GALNT5: variants seen among roughly 807,000 people sequenced by gnomAD.
GALNT5 encodes polypeptide N-acetylgalactosaminyltransferase 5.
Under a neutral mutation model 85.4 loss-of-function variants are expected in GALNT5, and 72 were observed. The observed-to-expected ratio is 0.84, with a 90% confidence interval of 0.70 to 1.03. The LOEUF is 1.03. Ranked by LOEUF, GALNT5 falls within the 50% of genes least tolerant of loss-of-function variation. GALNT5 has a pLI of 0.00. For missense variants in GALNT5, 1,137 were observed against 1,135.5 expected (o/e 1.00, Z -0.02); for synonymous variants, 404 against 397.0 (o/e 1.02, Z -0.21).
rs1355198598 is a variant in GALNT5 at position 157,299,544 on chromosome 2, G to C, written c.1998-4G>C. 1 of 1,564,526 alleles carries C rather than the reference G, an allele frequency of 6.4e-7. No homozygotes were observed. The highest frequency in any genetic ancestry group is 8.8e-7 in the Non-Finnish European group (1 of 1,141,152). ...GTTTAAAAAACAAACTTTTCTTTTTGTAGGTGCCCTGTCATGGCTGGTGGA... is the reference window on the plus strand; with the variant it reads ...GTTTAAAAAACAAACTTTTCTTTTTCTAGGTGCCCTGTCATGGCTGGTGGA... On this transcript the variant is annotated splice_polypyrimidine_tract_variant and splice_region_variant and intron_variant, in intron 5 of 9. Transcript: ENST00000259056.
intron 1 of GALNT5, among the ~76,000 whole-genome samples, chr2:157,271,363 A>AT (rs1298687382): frequency 2.6e-5 from 4 of 152,062 alleles, no homozygotes; most frequent in Non-Finnish European, 5.9e-5. Context: ...AAGAATTTGG[A>AT]TTTTTTTCCT....
intron 1 of GALNT5, among the ~76,000 whole-genome samples, chr2:157,276,560 T>C (rs1682731794): frequency 6.6e-6 from 1 of 152,198 alleles, no homozygotes; most frequent in Non-Finnish European, 1.5e-5. Flanking sequence ...TGGGAGGGTA[T>C]ATGTGTCCAG....
At chr2:157,302,384 T>G (rs1838844) in intron 7 of GALNT5, 2 of 152,172 alleles carry the variant, frequency 1.3e-5, no homozygotes, top group African/African-American at 4.8e-5. Context: ...ATAAATAAGT[T>G]TATGTGACCT....
intron 1 of GALNT5, among the ~76,000 whole-genome samples, chr2:157,261,414 G>C (rs898345799): frequency 4.6e-5 from 7 of 152,184 alleles, no homozygotes; most frequent in African/African-American, 1.4e-4. Context: ...TGCAGCCCAG[G>C]AAAGTTACAG....
chr2:157,299,480 G>T, intron 5 of GALNT5, 68 bp from the exon 6 acceptor site: 1 of 903,766 alleles, frequency 1.1e-6, no homozygotes, highest in Non-Finnish European at 1.8e-6. Flanking sequence ...CAGATGTACA[G>T]AGGAACAACT....
Position 157,300,945 on chromosome 2 carries a change from C to A in GALNT5, c.2385C>A (p.Tyr795Ter), listed in dbSNP as rs1373878847. ...TGAAGTGCAAAAGTTTCAAATGGTA[C>A]TTGGAGAATGTCTTTCCTGACTTAA... ...KKLKCKSFKWYLENVFPDLRA... is the reference protein window; with the variant it reads ...KKLKCKSFKW The change falls in exon 7 of 10, where the codon TAC (tyrosine) becomes TAA (stop). Residue 795 changes from tyrosine to a stop codon, truncating the protein, a stop_gained. Transcript: ENST00000259056. LOFTEE classifies it high-confidence loss of function. 3 of 1,614,086 alleles carry A rather than the reference C, an allele frequency of 1.9e-6. No homozygotes were observed. Among genetic ancestry groups the A allele is most frequent in the Non-Finnish European group, 8.5e-7 (1 of 1,179,958 alleles).
chr2:157,263,913 G>C lies in GALNT5; in HGVS notation c.1454+4377G>C, dbSNP rs7607146. 2.9e-3 allele frequency among the ~76,000 whole-genome samples: 436 copies of C among 152,002 alleles called. 1 individual carries two copies. Among genetic ancestry groups the C allele is most frequent in the African/African-American group, 9.7e-3 (403 of 41,476 alleles). On this transcript the variant is annotated intron_variant, in intron 1 of 9. Coordinates refer to ENST00000259056, the MANE Select transcript of GALNT5 (RefSeq NM_014568.3). The stretch of plus-strand genomic sequence containing the variant: ...TGTTTATCCCTTATTTTATATTTTT[G>C]TTATTGTTTTGGTTCTTAATTTTAA...
At chr2:157,272,289 C>T (rs1209297818) in intron 1 of GALNT5, among the ~76,000 whole-genome samples, 1 of 152,104 alleles carries the variant, frequency 6.6e-6, no homozygotes. Context: ...CACCTATCTA[C>T]CCTCCTATTT....
In GALNT5 at chr2:157,312,897, T is replaced by A. The variant is rs980458092; in HGVS notation, c.*1549T>A. Reference sequence around the variant, plus strand: ...TTTTTTCTTTTTTTAAATTTAAACTTTTGTTCAGTTGAGATGATTGTGAAA... The same window carrying A: ...TTTTTTCTTTTTTTAAATTTAAACTATTGTTCAGTTGAGATGATTGTGAAA... On this transcript the variant is annotated 3_prime_UTR_variant, in exon 10 of 10. Coordinates refer to ENST00000259056, the MANE Select transcript of GALNT5 (RefSeq NM_014568.3). 2 of 152,142 alleles carry A rather than the reference T, an allele frequency of 1.3e-5. No homozygotes were observed. Among genetic ancestry groups the A allele is most frequent in the African/African-American group, 4.8e-5 (2 of 41,454 alleles). The allele number at this position is 152,142 out of a possible 1,614,324, so 9.4% of individuals were successfully genotyped here. A position where few individuals can be genotyped will look rare whatever the true frequency, so the allele number is the denominator to read the frequency against.
At chr2:157,301,453 C>T (rs1683341426) in intron 7 of GALNT5, 2 of 196,430 alleles carry the variant, frequency 1.0e-5, no homozygotes, top group African/African-American at 2.4e-5. Context: ...TAACTCAGGC[C>T]TAAAACACTA....
intron 1 of GALNT5, among the ~76,000 whole-genome samples, chr2:157,276,596 T>C (rs1191170096): frequency 6.6e-6 from 1 of 152,224 alleles, no homozygotes; most frequent in Non-Finnish European, 1.5e-5. Flanking sequence ...TTCTAGATTT[T>C]CTAGTTTATT....
At chr2:157,301,898 A>G (rs992941643) in intron 7 of GALNT5, among the ~76,000 whole-genome samples, 1 of 152,218 alleles carries the variant, frequency 6.6e-6, no homozygotes, top group Admixed American at 6.5e-5. Context: ...TAAGGTAGCC[A>G]GAGTACAAGG....
chr2:157,314,528 G>A lies in GALNT5; in HGVS notation c.*3180G>A, dbSNP rs941740792. ...ATGATCACAATGTATTATTAGCTTC[G>A]CCACACTAATTTGGAAACATTCTTT... On this transcript the variant is annotated 3_prime_UTR_variant, in exon 10 of 10. Transcript: ENST00000259056. Among the ~76,000 whole-genome samples, 13 of 152,092 alleles carry A rather than the reference G, an allele frequency of 8.5e-5. No homozygotes were observed. The highest frequency in any genetic ancestry group is 2.0e-4 in the Admixed American group (3 of 15,252).
chr2:157,311,218 T>C lies in GALNT5; in HGVS notation c.2693T>C (p.Ile898Thr), dbSNP rs1209709660. 1 of 1,610,166 alleles carries C rather than the reference T, an allele frequency of 6.2e-7. No homozygotes were observed. Among genetic ancestry groups the C allele is most frequent in the African/African-American group, 1.3e-5 (1 of 74,760 alleles). Reference sequence around the variant, plus strand: ...CTTCTTTCTCTCCAGGTGAATCACATTGTTTTTGAAAACAATCAGCAATTA... The same window carrying C: ...CTTCTTTCTCTCCAGGTGAATCACACTGTTTTTGAAAACAATCAGCAATTA... The part of the protein sequence containing the change: ...SVFHPELVNH[I>T]VFENNQQLLC... Residue 898 changes from isoleucine to threonine, a missense_variant, in exon 10 of 10, where the codon ATT becomes ACT. Ile to Thr is a moderately conservative substitution (Grantham distance 89, BLOSUM62 -1). Coordinates refer to ENST00000259056, the MANE Select transcript of GALNT5 (RefSeq NM_014568.3).
intron 3 of GALNT5, among the ~76,000 whole-genome samples, chr2:157,290,668 C>G (rs4664223): frequency 0.023 from 3,545 of 151,982 alleles, 156 homozygotes; most frequent in East Asian, 0.18. Context: ...ATCTGACAGG[C>G]CTTGATGCTA....
Position 157,311,381 on chromosome 2 carries a change from T to A in GALNT5, c.*33T>A, listed in dbSNP as rs1211140655. 4 of 1,373,786 alleles carry A rather than the reference T, an allele frequency of 2.9e-6. No homozygotes were observed. The African/African-American group carries it at 6.0e-5, about 20-fold the overall frequency. The allele number at this position is 1,373,786 out of a possible 1,614,324, so 85.1% of individuals were successfully genotyped here. On this transcript the variant is annotated 3_prime_UTR_variant, in exon 10 of 10. Coordinates refer to ENST00000259056, the MANE Select transcript of GALNT5 (RefSeq NM_014568.3). ...CTGATGTTTTTATATAGTAAACCCA[T>A]TAAATACTGTGAAAATAACACTGAA...
chr2:157,305,655 T>A (rs1223812593), intron 7 of GALNT5, 94 bp from the exon 8 acceptor site: 1 of 723,698 alleles, frequency 1.4e-6, no homozygotes. Context: ...TTAACCTTAT[T>A]ATAGTTTTAT....
At chr2:157,276,512 G>C (rs998013812) in intron 1 of GALNT5, among the ~76,000 whole-genome samples, 9 of 152,076 alleles carry the variant, frequency 5.9e-5, no homozygotes, top group African/African-American at 2.2e-4. Context: ...GCCTGTTATT[G>C]GTCTATTCAG....
At chr2:157,274,120 C>T (rs1682663772) in intron 1 of GALNT5, among the ~76,000 whole-genome samples, 1 of 152,092 alleles carries the variant, frequency 6.6e-6, no homozygotes, top group Non-Finnish European at 1.5e-5. Flanking sequence ...TGATGGTTTT[C>T]AGCTTCATCC....
Sources: allele counts gnomAD v4.1 joint callset (sites outside exome capture counted in the v4.1 genomes callset), GRCh38; gene constraint gnomAD v4.1.1; transcripts MANE v1.5; gene names NCBI Gene and HGNC (gene_info 2026-07-23, HGNC 2026-07-21).